MPP7: variants seen among roughly 807,000 people sequenced by gnomAD.
MPP7 encodes the protein MAGUK p55 scaffold protein 7.
In MPP7, 60 loss-of-function variants were observed where a neutral mutation model predicts 76.5. The observed-to-expected ratio is 0.78, with a 90% CI of 0.64 to 0.97. MPP7 has a LOEUF of 0.97. Among genes scored for constraint, MPP7 ranks in the 50% least tolerant of loss-of-function variants. The probability of loss-of-function intolerance (pLI) is 0.00; values close to 1 mark genes in which losing one functional copy is unlikely to be tolerated. For synonymous variants in MPP7, 237 were observed against 244.5 expected (o/e 0.97, Z 0.29); for missense variants, 641 against 694.0 (o/e 0.92, Z 0.86).
chr10:28,101,899 ATAAAC>A (rs1227479137), intron 11 of MPP7, among the ~76,000 whole-genome samples: 1 of 152,144 alleles, frequency 6.6e-6, no homozygotes, highest in African/African-American at 2.4e-5. Flanking sequence ...AAGACCAAAA[ATAAAC>A]TAACTTCTAT....
chr10:28,102,580 G>A (rs1175279782), intron 11 of MPP7, among the ~76,000 whole-genome samples: 1 of 152,040 alleles, frequency 6.6e-6, no homozygotes, highest in East Asian at 1.9e-4. Flanking sequence ...AACTCAATAC[G>A]CCTCAAATGG....
At chr10:28,097,148 C>G (rs1390677827) in intron 11 of MPP7, among the ~76,000 whole-genome samples, 1 of 152,028 alleles carries the variant, frequency 6.6e-6, no homozygotes, top group Non-Finnish European at 1.5e-5. Context: ...CGCCAACACA[C>G]CTAGTTACTT....
At chr10:28,209,863 G>A (rs1243450555) in intron 2 of MPP7, among the ~76,000 whole-genome samples, 7 of 152,186 alleles carry the variant, frequency 4.6e-5, no homozygotes, top group East Asian at 3.8e-4. Context: ...GGATGTTTCC[G>A]AAAGAGATTA....
chr10:28,206,403 ATACC>A (rs1271992501), intron 2 of MPP7, among the ~76,000 whole-genome samples: 1 of 152,132 alleles, frequency 6.6e-6, no homozygotes, highest in African/African-American at 2.4e-5. Context: ...AATGAAATAC[ATACC>A]TAATTAATTA....
chr10:28,115,688 G>A (rs1319476563), intron 11 of MPP7, among the ~76,000 whole-genome samples: 1 of 152,182 alleles, frequency 6.6e-6, no homozygotes, highest in African/African-American at 2.4e-5. Context: ...GGTACCGTGT[G>A]CAGTGAATTC....
chr10:28,294,450 A>G (rs1840995161), intron 1 of MPP7, among the ~76,000 whole-genome samples: 1 of 152,238 alleles, frequency 6.6e-6, no homozygotes. Flanking sequence ...AATGTAAACT[A>G]TAAGGGTTAT....
At chr10:28,184,782 A>C (rs1370229672) in intron 3 of MPP7, among the ~76,000 whole-genome samples, 1 of 147,558 alleles carries the variant, frequency 6.8e-6, no homozygotes, top group Admixed American at 6.8e-5. Flanking sequence ...TTATATATAG[A>C]TATTATCTTA....
At chr10:28,289,870 G>C (rs1840873119) in intron 1 of MPP7, among the ~76,000 whole-genome samples, 1 of 152,208 alleles carries the variant, frequency 6.6e-6, no homozygotes, top group South Asian at 2.1e-4. Flanking sequence ...CCAGGCTGGA[G>C]TACAGTGGTA....
Position 28,056,531 on chromosome 10 carries a change from A to AT in MPP7, c.1499dup (p.Asn500LysfsTer10), listed in dbSNP as rs763286522. ...CATCTCTGCTTGAAATAATCTTTGC[A>AT]TTTTTTCTTGTTTCTCTCAAACGCT... On this transcript the variant is annotated frameshift_variant, in exon 16 of 17. Transcript: ENST00000683449. LOFTEE classifies it high-confidence loss of function. 1.2e-6 allele frequency: 2 copies of AT among 1,611,972 alleles called. No homozygotes were observed. The highest frequency in any genetic ancestry group is 8.5e-7 in the Non-Finnish European group (1 of 1,179,616).
At chr10:28,108,965 C>T in intron 11 of MPP7, among the ~76,000 whole-genome samples, 1 of 151,824 alleles carries the variant, frequency 6.6e-6, no homozygotes, top group Non-Finnish European at 1.5e-5. Flanking sequence ...TAGGAGGAGG[C>T]TGTGGGAATA....
intron 1 of MPP7, among the ~76,000 whole-genome samples, chr10:28,274,803 G>A (rs11006976): frequency 0.15 from 22,838 of 151,980 alleles, 1,811 homozygotes; most frequent in South Asian, 0.19. Context: ...CCCTTCCTCT[G>A]GCTTTTTTTT....
At chr10:28,073,090 C>T (rs1047396497) in intron 12 of MPP7, among the ~76,000 whole-genome samples, 1 of 152,164 alleles carries the variant, frequency 6.6e-6, no homozygotes, top group African/African-American at 2.4e-5. Context: ...TTATGTTTTC[C>T]TTATCATCTG....
chr10:28,327,396 A>C (rs910332058), intron 2 of MPP7, among the ~76,000 whole-genome samples: 1 of 152,050 alleles, frequency 6.6e-6, no homozygotes, highest in Non-Finnish European at 1.5e-5. Context: ...AAAAAAATTT[A>C]TATTTCTTCT....
At chr10:28,300,126 C>G (rs1418421055) in intron 1 of MPP7, among the ~76,000 whole-genome samples, 1 of 152,130 alleles carries the variant, frequency 6.6e-6, no homozygotes, top group Non-Finnish European at 1.5e-5. Context: ...AGGAGAGAAA[C>G]AGCTGCAGTA....
At chr10:28,210,450 A>G (rs1163836578) in intron 2 of MPP7, among the ~76,000 whole-genome samples, 1 of 152,204 alleles carries the variant, frequency 6.6e-6, no homozygotes, top group Non-Finnish European at 1.5e-5. Context: ...TTCTATCAAA[A>G]GAGCACTCTC....
In MPP7 at chr10:28,262,242, T is replaced by TAC. The variant is rs1472342434; in HGVS notation, c.-131-23509_-131-23508dup. The stretch of plus-strand genomic sequence containing the variant: ...ATATATATACATATATATATATATA[T>TAC]ACATATATATATATATGTATATATA... On this transcript the variant is annotated intron_variant, in intron 1 of 16. Coordinates refer to ENST00000683449, the MANE Select transcript of MPP7 (RefSeq NM_001318170.2). Among the ~76,000 whole-genome samples, 2 of 63,698 alleles carry TAC rather than the reference T, an allele frequency of 3.1e-5. 1 individual carries two copies. Among genetic ancestry groups the TAC allele is most frequent in the Non-Finnish European group, 5.1e-5 (2 of 39,302 alleles). The allele number at this position is 63,698 out of a possible 152,430, so 41.8% of individuals were successfully genotyped here.
intron 1 of MPP7, among the ~76,000 whole-genome samples, chr10:28,285,590 C>T (rs1172858288): frequency 6.6e-6 from 1 of 152,138 alleles, no homozygotes; most frequent in African/African-American, 2.4e-5. Context: ...AAAAATATCA[C>T]CATTTTGCAA....
intron 3 of MPP7, among the ~76,000 whole-genome samples, chr10:28,170,911 T>A (rs923298711): frequency 1.3e-5 from 2 of 152,198 alleles, no homozygotes; most frequent in Non-Finnish European, 2.9e-5. Flanking sequence ...AAGTATCCTC[T>A]CACATGACGA....
chr10:28,163,714 G>A (rs1414112156), intron 3 of MPP7, among the ~76,000 whole-genome samples: 1 of 152,044 alleles, frequency 6.6e-6, no homozygotes, highest in African/African-American at 2.4e-5. Flanking sequence ...TTGGGTGACC[G>A]AGGCGGGTGG....
Sources: allele counts gnomAD v4.1 joint callset (sites outside exome capture counted in the v4.1 genomes callset), GRCh38; gene constraint gnomAD v4.1.1; transcripts MANE v1.5; gene names NCBI Gene and HGNC (gene_info 2026-07-23, HGNC 2026-07-21).